ATP1A2: variants seen among roughly 807,000 people sequenced by gnomAD.
ATP1A2 encodes sodium/potassium-transporting ATPase subunit alpha-2.
In ATP1A2, 56 loss-of-function variants were observed where a neutral mutation model predicts 113.1. The ratio of observed to expected loss-of-function variants is 0.49; its 90% CI spans 0.40 to 0.62. The LOEUF is 0.62. Among genes scored for constraint, ATP1A2 ranks in the 20% least tolerant of loss-of-function variants. The pLI is 0.00. For synonymous variants in ATP1A2, 490 were observed against 526.8 expected (o/e 0.93, Z 0.96); for missense variants, 712 against 1,357.8 (o/e 0.52, Z 7.47).
At chr1:160,122,491 C>T (rs1651445526) in intron 3 of ATP1A2, among the ~76,000 whole-genome samples, 1 of 151,648 alleles carries the variant, frequency 6.6e-6, no homozygotes, top group Admixed American at 6.6e-5. Context: ...AAATGCAATC[C>T]TAGGATTCCA....
intron 13 of ATP1A2, among the ~76,000 whole-genome samples, chr1:160,133,877 C>G (rs1651837984): frequency 1.3e-5 from 2 of 152,112 alleles, no homozygotes; most frequent in African/African-American, 2.4e-5. Flanking sequence ...CCAGGGGATC[C>G]TCATGAACTT....
At position 160,123,219 on chromosome 1, in the gene ATP1A2, A is replaced by G; in HGVS notation, c.184A>G (p.Thr62Ala). 6.2e-7 allele frequency: 1 copy of G among 1,614,092 alleles called. No individual in the cohort carries two copies. Among genetic ancestry groups the G allele is most frequent in the African/African-American group, 1.3e-5 (1 of 75,020 alleles). The change falls in exon 4 of 23, where the codon ACC becomes GCC. Residue 62 changes from threonine (T) to alanine (A), a missense_variant. Thr to Ala is a moderately conservative substitution (Grantham distance 58). Transcript: ENST00000361216. ...KYQVDLSKGL[T>A]NQRAQDVLAR... is the part of the protein sequence containing the mutation. ...CCTCTCCTTGCTCCCTCAGGGCCTCACCAACCAGCGGGCTCAGGACGTTCT... is the reference window on the plus strand; with the variant it reads ...CCTCTCCTTGCTCCCTCAGGGCCTCGCCAACCAGCGGGCTCAGGACGTTCT...
chr1:160,124,546 A>G (rs1408016423), intron 6 of ATP1A2, 116 bp downstream of exon 6: 13 of 1,468,194 alleles, frequency 8.9e-6, no homozygotes, highest in Non-Finnish European at 1.2e-5. Context: ...TGTCAACACC[A>G]TGCCTATGCC....
chr1:160,124,580 G>A, intron 6 of ATP1A2, 150 bp downstream of exon 6: 2 of 1,256,286 alleles, frequency 1.6e-6, no homozygotes, highest in Admixed American at 4.1e-5. Flanking sequence ...CTCTCAGTGT[G>A]GGGTGCTTGT....
At chr1:160,136,476 A>G (rs1180774481) in intron 18 of ATP1A2, 94 bp from the exon 19 acceptor site, 1 of 1,612,444 alleles carries the variant, frequency 6.2e-7, no homozygotes, top group Non-Finnish European at 8.5e-7. Flanking sequence ...CCAGCTACCC[A>G]AGGGTCAGGG....
chr1:160,128,284 C>A (rs1232053050), intron 8 of ATP1A2: 20 of 479,168 alleles, frequency 4.2e-5, no homozygotes, highest in South Asian at 3.7e-5. Flanking sequence ...CTTCCTGCTC[C>A]CCCTACACTG....
chr1:160,141,576 A>G lies in ATP1A2; in HGVS notation c.*254A>G. ...ACCAGATCCTTTTCCATCCCACTCCACTATGTTGTCTATTTTTTCTGAGGA... is the reference window on the plus strand; with the variant it reads ...ACCAGATCCTTTTCCATCCCACTCCGCTATGTTGTCTATTTTTTCTGAGGA... On this transcript the variant is annotated 3_prime_UTR_variant, in exon 23 of 23. Transcript: ENST00000361216. The G allele has an allele frequency of 3.6e-6, 2 of 561,462 alleles. No individual in the cohort carries two copies. Among genetic ancestry groups the G allele is most frequent in the Admixed American group, 5.8e-5 (2 of 34,518 alleles). The allele number at this position is 561,462 out of a possible 1,614,324, so 34.8% of individuals were successfully genotyped here. A position where few individuals can be genotyped will look rare whatever the true frequency, so the allele number is the denominator to read the frequency against.
chr1:160,124,469 G>A (rs1195184445), intron 6 of ATP1A2, 39 bp downstream of exon 6: 1 of 1,579,698 alleles, frequency 6.3e-7, no homozygotes, highest in Non-Finnish European at 8.6e-7. Flanking sequence ...TGAGTCTAAG[G>A]AGAAGGCTGT....
intron 11 of ATP1A2, 42 bp downstream of exon 11, chr1:160,129,442 A>G: frequency 6.2e-7 from 1 of 1,604,938 alleles, no homozygotes; most frequent in Non-Finnish European, 8.5e-7. Flanking sequence ...AGAGGGATAT[A>G]AATGGGTGAG....
rs1018380787 is a variant in ATP1A2 at position 160,143,491 on chromosome 1, A to G, written c.*2169A>G. On this transcript the variant is annotated 3_prime_UTR_variant, in exon 23 of 23. Coordinates refer to ENST00000361216, the MANE Select transcript of ATP1A2 (RefSeq NM_000702.4). ...ATCTTTATGTATTTGTTAAAGAAAC[A>G]TCTACAGGATCTTTATTGGTGACCT... is the stretch of plus-strand genomic sequence containing the variant. 3.3e-5 allele frequency: 5 copies of G among 152,646 alleles called. No individual in the cohort carries two copies. Among genetic ancestry groups the G allele is most frequent in the African/African-American group, 9.7e-5 (4 of 41,448 alleles). 9.5% of individuals were successfully genotyped at this position (152,646 alleles called of 1,614,324 possible). A position where few individuals can be genotyped will look rare whatever the true frequency, so the allele number is the denominator to read the frequency against.
Position 160,135,547 on chromosome 1 carries a change from C to T in ATP1A2, c.2229C>T (p.Ala743=), listed in dbSNP as rs138381089. The T allele has an allele frequency of 5.1e-5, 82 of 1,614,134 alleles. No homozygotes were observed. In the African/African-American group the frequency reaches 5.6e-4, roughly 11 times the overall value. The change falls in exon 16 of 23, where the codon GCC becomes GCT. Residue 743 remains alanine, a synonymous_variant. Coordinates refer to ENST00000361216, the MANE Select transcript of ATP1A2 (RefSeq NM_000702.4). This position sits in a 1 kb window ranked among gnomAD's most constrained non-coding sequence, Gnocchi z 6.3. ...GCTCTGACGTCTCTAAGCAGGCAGC[C>T]GACATGATCCTGCTGGATGACAACT... The part of the protein sequence containing the change: ...ISGSDVSKQA[A]DMILLDDNFA...
In ATP1A2 at chr1:160,125,128, C is replaced by T; in HGVS notation, c.631-8C>T. 2 of 1,613,094 alleles carry T rather than the reference C, an allele frequency of 1.2e-6. No individual in the cohort carries two copies. The highest frequency in any genetic ancestry group is 1.7e-6 in the Non-Finnish European group (2 of 1,179,048). On this transcript the variant is annotated splice_region_variant and splice_polypyrimidine_tract_variant and intron_variant, in intron 6 of 22. Transcript: ENST00000361216. ...CAGTCTGATGACTATGCACTCCTTC[C>T]TCCTCAGGTGGATAACTCATCCTTA...
intron 3 of ATP1A2, 65 bp downstream of exon 3, chr1:160,121,316 C>T (rs1651391107): frequency 9.5e-6 from 15 of 1,574,514 alleles, no homozygotes; most frequent in Middle Eastern, 1.7e-4. Context: ...ATCAAGGTGG[C>T]AGGAGCCTTA....
chr1:160,123,182 C>A (rs372532104), intron 3 of ATP1A2, 31 bp from the exon 4 acceptor site: 7 of 1,612,432 alleles, frequency 4.3e-6, no homozygotes, highest in Middle Eastern at 1.7e-4. Context: ...GCTCCGGATG[C>A]GTGCCCCTAC....
At position 160,139,667 on chromosome 1, in the gene ATP1A2, G is replaced by A. The variant is rs373694534; in HGVS notation, c.2868G>A (p.Leu956=). 1.5e-5 allele frequency: 25 copies of A among 1,614,042 alleles called. No homozygotes were observed. In the African/African-American group the frequency reaches 2.9e-4, roughly 19 times the overall value. Residue 956 remains leucine (L), a synonymous_variant, in exon 21 of 23, where the codon CTG becomes CTA. Transcript: ENST00000361216. ...MKNKILIFGL[L]EETALAAFLS... ...ACAAGATCCTGATTTTTGGGCTCCT[G>A]GAGGAGACGGCGTTGGCTGCCTTTC...
intron 13 of ATP1A2, among the ~76,000 whole-genome samples, chr1:160,133,410 C>A (rs1651827900): frequency 6.6e-6 from 1 of 152,106 alleles, no homozygotes; most frequent in Admixed American, 6.5e-5. Context: ...ACTTGCCCTG[C>A]AAGCCCACAC....
intron 20 of ATP1A2, 67 bp downstream of exon 20, chr1:160,137,098 C>T: frequency 6.2e-7 from 1 of 1,612,086 alleles, no homozygotes; most frequent in South Asian, 1.1e-5. Context: ...CCACACAGGC[C>T]AAGCTTCCAA....
In ATP1A2 at chr1:160,135,547, C is replaced by G. The variant is rs138381089; in HGVS notation, c.2229C>G (p.Ala743=). 6.2e-7 allele frequency: 1 copy of G among 1,614,134 alleles called. No homozygotes were observed. Among genetic ancestry groups the G allele is most frequent in the East Asian group, 2.2e-5 (1 of 44,880 alleles). Reference sequence around the variant, plus strand: ...GCTCTGACGTCTCTAAGCAGGCAGCCGACATGATCCTGCTGGATGACAACT... The same window carrying G: ...GCTCTGACGTCTCTAAGCAGGCAGCGGACATGATCCTGCTGGATGACAACT... ...ISGSDVSKQA[A]DMILLDDNFA... The change falls in exon 16 of 23, where the codon GCC becomes GCG. Residue 743 remains alanine, a synonymous_variant. Coordinates refer to ENST00000361216, the MANE Select transcript of ATP1A2 (RefSeq NM_000702.4). This position sits in a 1 kb window ranked among gnomAD's most constrained non-coding sequence, Gnocchi z 6.3.
In ATP1A2 at chr1:160,129,002, C is replaced by G; in HGVS notation, c.1239C>G (p.Ser413=). 2 of 1,607,882 alleles carry G rather than the reference C, an allele frequency of 1.2e-6. No individual in the cohort carries two copies. Among genetic ancestry groups the G allele is most frequent in the Non-Finnish European group, 1.7e-6 (2 of 1,176,698 alleles). The change falls in exon 10 of 23, where the codon TCC becomes TCG. Residue 413 remains serine, a synonymous_variant. Coordinates refer to ENST00000361216, the MANE Select transcript of ATP1A2 (RefSeq NM_000702.4). The part of the protein sequence containing the change: ...DQSGATFDKR[S]PTWTALSRIA... ...CAGGGGCCACTTTTGACAAACGATC[C>G]CCTACGTGGACGGCCCTGTCTCGAA...
Sources: gnomAD v4.1 joint callset for allele counts (sites outside exome capture counted in the v4.1 genomes callset) on GRCh38, gnomAD v4.1.1 for gene constraint, Gnocchi (gnomAD v3.1) non-coding constraint, MANE v1.5 for transcripts, NCBI Gene and HGNC (gene_info 2026-07-23, HGNC 2026-07-21) for gene names.